The following UGGT2 variants were observed in gnomAD, a reference collection of about 807,000 sequenced individuals.
UGGT2 encodes UDP-glucose:glycoprotein glucosyltransferase 2.
Under a neutral mutation model 192.1 loss-of-function variants are expected in UGGT2, and 180 were observed. That is an observed-to-expected ratio of 0.94 (90% CI 0.83 to 1.06). The LOEUF (loss-of-function observed/expected upper bound fraction) is 1.06, where lower values mean the gene tolerates loss of function less well. Among genes scored for constraint, UGGT2 ranks in the 50% least tolerant of loss-of-function variants. The pLI is 0.00. For missense variants in UGGT2, 1,849 were observed against 1,795.7 expected (o/e 1.03, Z -0.54); for synonymous variants, 580 against 591.0 (o/e 0.98, Z 0.27).
intron 4 of UGGT2, among the ~76,000 whole-genome samples, chr13:96,022,022 G>A (rs1326106404): frequency 6.6e-6 from 1 of 151,792 alleles, no homozygotes. Context: ...GCATTCTGGA[G>A]GAAAAAAGAG....
At chr13:95,903,205 G>T in intron 20 of UGGT2, 145 bp from the exon 21 acceptor site, 1 of 648,252 alleles carries the variant, frequency 1.5e-6, no homozygotes, top group South Asian at 3.0e-5. Flanking sequence ...TGTACTAAAT[G>T]TGATATACCA....
chr13:95,950,630 T>A (rs2140624352), intron 12 of UGGT2, among the ~76,000 whole-genome samples: 1 of 148,290 alleles, frequency 6.7e-6, no homozygotes, highest in East Asian at 1.9e-4. Flanking sequence ...CCCCAAAGAT[T>A]ACTTAGACAA....
At chr13:95,962,900 A>G (rs1471385185) in intron 12 of UGGT2, among the ~76,000 whole-genome samples, 1 of 152,176 alleles carries the variant, frequency 6.6e-6, no homozygotes, top group Admixed American at 6.5e-5. Context: ...GGTGGGAGGC[A>G]TGGAGGAACA....
At position 95,860,817 on chromosome 13, in the gene UGGT2, AG is replaced by A; in HGVS notation, c.3710del (p.Ala1237ValfsTer10). On this transcript the variant is annotated frameshift_variant, in exon 32 of 39. Transcript: ENST00000376747. LOFTEE classifies it high-confidence loss of function. ...AAAAACGTTCATATAAATGACCAGA[AG>A]CAACTGAAAAAATGTTTAGGACATC... Reference protein sequence around the residue: ...EKDVLNIFSVASGHLYERFLR... With the variant: ...EKDVLNIFSVXSGHLYERFLR... 1 of 1,562,340 alleles carries A rather than the reference AG, an allele frequency of 6.4e-7. No homozygotes were observed. The highest frequency in any genetic ancestry group is 2.3e-5 in the East Asian group (1 of 43,060).
intron 15 of UGGT2, among the ~76,000 whole-genome samples, chr13:95,944,404 C>T (rs565551580): frequency 6.6e-6 from 1 of 152,134 alleles, no homozygotes; most frequent in Admixed American, 6.5e-5. Flanking sequence ...AACACTCCTT[C>T]CATTGAGAAG....
At chr13:95,926,352 A>C (rs555887812) in intron 19 of UGGT2, among the ~76,000 whole-genome samples, 1 of 152,234 alleles carries the variant, frequency 6.6e-6, no homozygotes, top group Admixed American at 6.5e-5. Flanking sequence ...CTTACAACAT[A>C]GTTCATTCCA....
chr13:95,880,009 T>A (rs1344234648), intron 27 of UGGT2, among the ~76,000 whole-genome samples: 3 of 152,136 alleles, frequency 2.0e-5, no homozygotes, highest in Non-Finnish European at 4.4e-5. Flanking sequence ...GCCATCTACA[T>A]TAGGTATTTC....
chr13:96,022,853 T>C (rs2052555473), intron 4 of UGGT2, among the ~76,000 whole-genome samples, 187 bp downstream of exon 4: 1 of 152,036 alleles, frequency 6.6e-6, no homozygotes, highest in African/African-American at 2.4e-5. Context: ...TTGGCACAAT[T>C]TATATGCTAA....
At chr13:95,976,306 TATCCACCC>T (rs1171179478) in intron 10 of UGGT2, among the ~76,000 whole-genome samples, 2 of 152,318 alleles carry the variant, frequency 1.3e-5, no homozygotes, top group African/African-American at 4.8e-5. Context: ...AAATTTCCTT[TATCCACCC>T]ATCCATTAAT....
chr13:95,845,792 G>A (rs1888364444), intron 36 of UGGT2, among the ~76,000 whole-genome samples: 1 of 151,570 alleles, frequency 6.6e-6, no homozygotes, highest in South Asian at 2.1e-4. Context: ...TCGCGGCCGG[G>A]CAGAGGCGCT....
chr13:96,013,212 T>G lies in UGGT2; in HGVS notation c.660+95A>C, dbSNP rs1594572237. On this transcript the variant is annotated intron_variant, in intron 5 of 38. Coordinates refer to ENST00000376747, the MANE Select transcript of UGGT2 (RefSeq NM_020121.4). ...GTTAAAAAAAGTTAGATAACTATTC[T>G]GGTGAAAATTAATATTTAAATCTAG... The G allele has an allele frequency of 4.9e-6, 6 of 1,230,000 alleles. No homozygotes were observed. In the East Asian group the frequency reaches 1.7e-4, roughly 35 times the overall value. The allele number at this position is 1,230,000 out of a possible 1,614,324, so 76.2% of individuals were successfully genotyped here. A position where few individuals can be genotyped will look rare whatever the true frequency, so the allele number is the denominator to read the frequency against.
chr13:96,051,858 G>C (rs762204735), intron 1 of UGGT2, among the ~76,000 whole-genome samples: 12 of 152,116 alleles, frequency 7.9e-5, no homozygotes, highest in African/African-American at 2.9e-4. Flanking sequence ...AGCGAACAGG[G>C]AACACTTCTA....
intron 20 of UGGT2, among the ~76,000 whole-genome samples, chr13:95,909,436 G>C (rs1445148145): frequency 1.3e-5 from 2 of 151,444 alleles, no homozygotes; most frequent in East Asian, 3.9e-4. Context: ...AAAATGATGA[G>C]TTCATGTCCT....
At position 95,905,390 on chromosome 13, in the gene UGGT2, G is replaced by C. The variant is rs2048253634; in HGVS notation, c.2296-2330C>G. ...CTTGCCCATGCCTATGTCCTGAATGGTAATGCCTAGGTTTTCTTGTAGGGT... is the reference window on the plus strand; with the variant it reads ...CTTGCCCATGCCTATGTCCTGAATGCTAATGCCTAGGTTTTCTTGTAGGGT... On this transcript the variant is annotated intron_variant, in intron 20 of 38. Transcript: ENST00000376747. Among the ~76,000 whole-genome samples the C allele has an allele frequency of 9.9e-5, 15 of 152,050 alleles. No individual in the cohort carries two copies. In the South Asian group the frequency reaches 2.7e-3, roughly 27 times the overall value.
Position 95,948,074 on chromosome 13 carries a change from A to T in UGGT2, c.1463T>A (p.Phe488Tyr). 6.2e-7 allele frequency: 1 copy of T among 1,612,184 alleles called. No homozygotes were observed. ...IRRNFHNLVL[F>Y]IDPAQEYTLD... ...GGTATATTCTTGGGCCGGATCAATA[A>T]ACAGAACCTAAAAGAAAGATAGTAT... The change falls in exon 14 of 39, where the codon TTT becomes TAT. Residue 488 changes from phenylalanine to tyrosine, a missense_variant. Phe to Tyr is a conservative substitution (Grantham distance 22). Coordinates refer to ENST00000376747, the MANE Select transcript of UGGT2 (RefSeq NM_020121.4).
chr13:96,015,520 A>T (rs549481001), intron 4 of UGGT2, among the ~76,000 whole-genome samples: 1 of 152,292 alleles, frequency 6.6e-6, no homozygotes. Flanking sequence ...TGGATATATC[A>T]TAGGTAGAAA....
At chr13:95,871,201 G>A (rs1361221805) in intron 29 of UGGT2, among the ~76,000 whole-genome samples, 1 of 152,170 alleles carries the variant, frequency 6.6e-6, no homozygotes, top group Non-Finnish European at 1.5e-5. Context: ...TTGGGGGTAG[G>A]GGTAAAAGGA....
intron 12 of UGGT2, among the ~76,000 whole-genome samples, chr13:95,962,978 G>A (rs544457645): frequency 7.2e-5 from 11 of 152,154 alleles, no homozygotes; most frequent in Admixed American, 2.0e-4. Context: ...CCCTTATAGA[G>A]CCATCAGATC....
chr13:95,963,563 C>T (rs1388096877), intron 12 of UGGT2, among the ~76,000 whole-genome samples: 1 of 152,068 alleles, frequency 6.6e-6, no homozygotes, highest in African/African-American at 2.4e-5. Context: ...GCAAGAAAAA[C>T]AAATGCATCC....
Sources: gnomAD v4.1 joint callset for allele counts (sites outside exome capture counted in the v4.1 genomes callset) on GRCh38, gnomAD v4.1.1 for gene constraint, MANE v1.5 for transcripts, NCBI Gene and HGNC (gene_info 2026-07-23, HGNC 2026-07-21) for gene names.